Variants in NTPCR observed in about 807,000 individuals in gnomAD.
NTPCR encodes the protein nucleoside-triphosphatase, cancer-related, also known as cancer-related nucleoside-triphosphatase.
In NTPCR, 15 loss-of-function variants were observed where a neutral mutation model predicts 19.5. That is an observed-to-expected ratio of 0.77 (90% CI 0.51 to 1.18). The LOEUF (loss-of-function observed/expected upper bound fraction) is 1.18, where lower values mean the gene tolerates loss of function less well. Ranked by LOEUF, NTPCR falls within the 50% of genes most tolerant of loss-of-function variation. The probability of loss-of-function intolerance (pLI) is 0.00; values close to 1 mark genes in which losing one functional copy is unlikely to be tolerated. For synonymous variants in NTPCR, 90 were observed against 95.8 expected, an observed-to-expected ratio of 0.94 and a Z score of 0.36; for missense variants, 206 against 240.4, an observed-to-expected ratio of 0.86 and a Z score of 0.95.
intron 4 of NTPCR, 138 bp from the exon 5 acceptor site, chr1:232,978,025 C>A: frequency 1.6e-6 from 1 of 637,276 alleles, no homozygotes; most frequent in South Asian, 1.9e-5. Flanking sequence ...TCCTGAAGAG[C>A]TGGGCCTCCT....
chr1:232,970,710 A>T (rs954647649), intron 4 of NTPCR, among the ~76,000 whole-genome samples: 6 of 152,238 alleles, frequency 3.9e-5, no homozygotes, highest in African/African-American at 1.4e-4. Context: ...TTTAAATTGA[A>T]TTATTTATTT....
chr1:232,969,117 G>T (rs1456820078), intron 3 of NTPCR: 1 of 152,314 alleles, frequency 6.6e-6, no homozygotes, highest in African/African-American at 2.4e-5. Flanking sequence ...GGTCATCTGA[G>T]GCTTGCCTGG....
At position 232,956,393 on chromosome 1, in the gene NTPCR, G is replaced by A. The variant is rs370404078; in HGVS notation, c.244G>A (p.Val82Met). 1 of 1,614,014 alleles carries A rather than the reference G, an allele frequency of 6.2e-7. No homozygotes were observed. Among genetic ancestry groups the A allele is most frequent in the Non-Finnish European group, 8.5e-7 (1 of 1,179,902 alleles). The change falls in exon 3 of 5, where the codon GTG becomes ATG. Residue 82 changes from valine to methionine, a missense_variant. Coordinates refer to ENST00000366628, the MANE Select transcript of NTPCR (RefSeq NM_032324.3). ...GKRECRVGQYVVDLTSFEQLA... is the reference protein window; with the variant it reads ...GKRECRVGQYMVDLTSFEQLA... ...ACGTGAATGCCGAGTTGGGCAGTAT[G>A]TGGTCGACCTGACTTCTTTTGAGCA...
At chr1:232,973,583 C>T (rs1241823286) in intron 4 of NTPCR, among the ~76,000 whole-genome samples, 3 of 152,200 alleles carry the variant, frequency 2.0e-5, no homozygotes, top group East Asian at 3.8e-4. Context: ...ATCAGCAGAT[C>T]TCAACAGCAA....
intron 4 of NTPCR, chr1:232,976,601 C>T (rs1192030840): frequency 1.0e-5 from 15 of 1,431,444 alleles, no homozygotes; most frequent in Admixed American, 9.5e-5. Flanking sequence ...TTGGAGCTGT[C>T]CCATGAAGCC....
At chr1:232,961,198 C>T (rs1249789446) in intron 3 of NTPCR, among the ~76,000 whole-genome samples, 2 of 152,178 alleles carry the variant, frequency 1.3e-5, no homozygotes, top group African/African-American at 2.4e-5. Flanking sequence ...ATTCAGGTTC[C>T]GTATCACCAT....
intron 4 of NTPCR, among the ~76,000 whole-genome samples, chr1:232,971,827 T>A (rs1201773139): frequency 6.6e-6 from 1 of 152,192 alleles, no homozygotes; most frequent in Non-Finnish European, 1.5e-5. Flanking sequence ...CCCTGAAAAG[T>A]CTGTGGGGTT....
At chr1:232,955,340 G>A (rs937424413) in intron 1 of NTPCR, among the ~76,000 whole-genome samples, 1 of 152,068 alleles carries the variant, frequency 6.6e-6, no homozygotes, top group Admixed American at 6.6e-5. Flanking sequence ...GATATCATTC[G>A]TGTTTTTATT....
At chr1:232,978,056 C>A in intron 4 of NTPCR, 107 bp from the exon 5 acceptor site, 1 of 877,070 alleles carries the variant, frequency 1.1e-6, no homozygotes, top group East Asian at 2.6e-5. Context: ...CAAAACATAC[C>A]TCACCCTCTC....
At chr1:232,969,712 G>A (rs1467719976) in intron 3 of NTPCR, 197 bp from the exon 4 acceptor site, 2 of 515,258 alleles carry the variant, frequency 3.9e-6, no homozygotes, top group Non-Finnish European at 7.0e-6. Context: ...ATGATTCCCA[G>A]CTCCTGGGAC....
At chr1:232,950,835 G>A in intron 1 of NTPCR, 91 bp downstream of exon 1, 1 of 785,704 alleles carries the variant, frequency 1.3e-6, no homozygotes, top group Non-Finnish European at 2.0e-6. Flanking sequence ...GAGGGTCTCC[G>A]GCTCCAGGGC....
At chr1:232,955,810 A>C in intron 2 of NTPCR, 91 bp downstream of exon 2, 1 of 1,264,274 alleles carries the variant, frequency 7.9e-7, no homozygotes, top group East Asian at 2.3e-5. Flanking sequence ...TAAATTCACC[A>C]AAAGCAGATA....
intron 3 of NTPCR, chr1:232,968,781 C>G (rs1219242020): frequency 6.6e-6 from 1 of 152,210 alleles, no homozygotes; most frequent in Non-Finnish European, 1.5e-5. Flanking sequence ...CTTTGTAAAT[C>G]AGCTTTACAT....
rs1170470472 is a variant in NTPCR at position 232,955,581 on chromosome 1, A to G, written c.59A>G (p.His20Arg). The G allele has an allele frequency of 1.0e-5, 16 of 1,600,944 alleles. No homozygotes were observed. The highest frequency in any genetic ancestry group is 2.7e-5 in the African/African-American group (2 of 72,798). The change falls in exon 2 of 5, where the codon CAT (histidine) becomes CGT (arginine). Residue 20 changes from histidine to arginine, a missense_variant. Physicochemically the swap from His to Arg is conservative, Grantham distance 29. Coordinates refer to ENST00000366628, the MANE Select transcript of NTPCR (RefSeq NM_032324.3). ...PPGVGKTTLI[H>R]KASEVLKSSG... ...GGAGTTGGAAAAACAACATTGATCC[A>G]TAAAGCCAGTGAGGTTTTAAAATCC...
rs1185537738 is a variant in NTPCR, at chr1:232,969,973, T to C, written c.359T>C (p.Leu120Pro). 6.2e-7 allele frequency: 1 copy of C among 1,614,120 alleles called. No homozygotes were observed. The highest frequency in any genetic ancestry group is 1.1e-5 in the South Asian group (1 of 91,082). ...CVIDEIGKME[L>P]FSQLFIQAVR... Reference sequence around the variant, plus strand: ...ATCGATGAGATTGGGAAGATGGAGCTCTTCAGTCAGCTTTTCATTCAAGCT... The same window carrying C: ...ATCGATGAGATTGGGAAGATGGAGCCCTTCAGTCAGCTTTTCATTCAAGCT... Residue 120 changes from leucine (L) to proline (P), a missense_variant, in exon 4 of 5, where the codon CTC (leucine) becomes CCC (proline). Leu to Pro is a moderately conservative substitution (Grantham distance 98). Coordinates refer to ENST00000366628, the MANE Select transcript of NTPCR (RefSeq NM_032324.3).
At chr1:232,961,371 G>T (rs141852943) in intron 3 of NTPCR, among the ~76,000 whole-genome samples, 2 of 152,362 alleles carry the variant, frequency 1.3e-5, no homozygotes, top group African/African-American at 4.8e-5. Context: ...CTGCCAGGGT[G>T]TGAGTGTGCT....
intron 3 of NTPCR, chr1:232,969,255 T>G (rs12743233): frequency 0.11 from 17,267 of 152,960 alleles, 1,259 homozygotes; most frequent in South Asian, 0.17. Context: ...CCTCACAGCA[T>G]AGCACTTCTC....
chr1:232,962,931 A>C (rs1668707386), intron 3 of NTPCR: 1 of 152,180 alleles, frequency 6.6e-6, no homozygotes, highest in African/African-American at 2.4e-5. Context: ...TCGACCTGGA[A>C]GTGTTCCTTA....
At chr1:232,974,877 G>T (rs1177808095) in intron 4 of NTPCR, among the ~76,000 whole-genome samples, 2 of 152,172 alleles carry the variant, frequency 1.3e-5, no homozygotes, top group African/African-American at 4.8e-5. Flanking sequence ...ACCTCTATTT[G>T]CATGGGGGTT....
Sources: gnomAD v4.1 joint callset for allele counts (sites outside exome capture counted in the v4.1 genomes callset) on GRCh38, gnomAD v4.1.1 for gene constraint, MANE v1.5 for transcripts, NCBI Gene and HGNC (gene_info 2026-07-23, HGNC 2026-07-21) for gene names.